CHRM3: variants seen among roughly 807,000 people sequenced by gnomAD.
CHRM3 encodes muscarinic acetylcholine receptor M3.
A neutral mutation model predicts 41.8 loss-of-function variants in CHRM3; 11 were observed. The observed-to-expected ratio is 0.26, with a 90% confidence interval of 0.17 to 0.44. The LOEUF (loss-of-function observed/expected upper bound fraction) is 0.44. Among genes scored for constraint, CHRM3 ranks in the 20% least tolerant of loss-of-function variants. The pLI is 1.00. For missense variants in CHRM3, 571 were observed against 745.4 expected (o/e 0.77, Z 2.72); for synonymous variants, 297 against 301.4 (o/e 0.99, Z 0.15).
At chr1:239,573,376 T>C (rs1010454287) in intron 3 of CHRM3, among the ~76,000 whole-genome samples, 1 of 152,208 alleles carries the variant, frequency 6.6e-6, no homozygotes, top group Non-Finnish European at 1.5e-5. Context: ...AGAAAGTTAC[T>C]TTAATTAGTT....
chr1:239,593,438 T>G (rs1202193259), intron 3 of CHRM3, among the ~76,000 whole-genome samples: 1 of 151,806 alleles, frequency 6.6e-6, no homozygotes. Context: ...AAAGTAATAA[T>G]TGGATTCACT....
chr1:239,711,325 A>G (rs1342210075), intron 5 of CHRM3, among the ~76,000 whole-genome samples: 1 of 151,978 alleles, frequency 6.6e-6, no homozygotes, highest in Admixed American at 6.6e-5. Context: ...GTGCTCCCCA[A>G]AAGTCTTGAA....
chr1:239,870,560 G>A (rs569909365), intron 6 of CHRM3, among the ~76,000 whole-genome samples: 1 of 152,276 alleles, frequency 6.6e-6, no homozygotes, highest in East Asian at 1.9e-4. Flanking sequence ...AGCTTTGTGG[G>A]TTGGTTTTAT....
intron 1 of CHRM3, among the ~76,000 whole-genome samples, chr1:239,393,404 G>A (rs1232515534): frequency 6.6e-6 from 1 of 152,168 alleles, no homozygotes; most frequent in Non-Finnish European, 1.5e-5. Flanking sequence ...TTGAAAAGAA[G>A]TTCTCATACT....
intron 2 of CHRM3, among the ~76,000 whole-genome samples, chr1:239,508,799 G>A (rs1668738436): frequency 6.6e-6 from 1 of 152,152 alleles, no homozygotes; most frequent in South Asian, 2.1e-4. Context: ...GTTGTTAAAT[G>A]GGATATGTTA....
At chr1:239,450,345 A>G (rs1664472488) in intron 1 of CHRM3, among the ~76,000 whole-genome samples, 1 of 152,124 alleles carries the variant, frequency 6.6e-6, no homozygotes, top group South Asian at 2.1e-4. Flanking sequence ...ATTTTCTGCA[A>G]ATTCATATTT....
At position 239,468,226 on chromosome 1, in the gene CHRM3, C is replaced by A. The variant is rs565694557; in HGVS notation, c.-520-24483C>A. Reference sequence around the variant, plus strand: ...TCTCACTGGCACTTCTGAAAAATGCCATTTTTTAAATTGATAATAGAAATA... The same window carrying A: ...TCTCACTGGCACTTCTGAAAAATGCAATTTTTTAAATTGATAATAGAAATA... On this transcript the variant is annotated intron_variant, in intron 1 of 6. Transcript: ENST00000676153. Among the ~76,000 whole-genome samples, 6 of 152,150 alleles carry A rather than the reference C, an allele frequency of 3.9e-5. No individual in the cohort carries two copies. In the East Asian group the frequency reaches 1.2e-3, roughly 29 times the overall value.
intron 3 of CHRM3, among the ~76,000 whole-genome samples, chr1:239,611,979 A>G (rs758039031): frequency 3.3e-5 from 5 of 152,336 alleles, no homozygotes; most frequent in Non-Finnish European, 1.5e-5. Context: ...TTATGTACAT[A>G]GACTCATTCA....
chr1:239,840,832 T>C (rs1467090902), intron 6 of CHRM3, among the ~76,000 whole-genome samples: 2 of 152,218 alleles, frequency 1.3e-5, no homozygotes, highest in African/African-American at 2.4e-5. Context: ...CTTCAGTTTG[T>C]AGAATGGTAT....
At chr1:239,866,366 C>G (rs1485422537) in intron 6 of CHRM3, among the ~76,000 whole-genome samples, 1 of 151,704 alleles carries the variant, frequency 6.6e-6, no homozygotes, top group Non-Finnish European at 1.5e-5. Flanking sequence ...CCCCACTGCA[C>G]TCCAGCCTGG....
chr1:239,812,666 A>G (rs1383428320), intron 5 of CHRM3, among the ~76,000 whole-genome samples: 1 of 152,242 alleles, frequency 6.6e-6, no homozygotes, highest in African/African-American at 2.4e-5. Context: ...TATGCTTCTA[A>G]TGAGCAAACT....
chr1:239,879,355 C>T (rs1322926966), intron 6 of CHRM3, among the ~76,000 whole-genome samples: 2 of 152,208 alleles, frequency 1.3e-5, no homozygotes, highest in Non-Finnish European at 2.9e-5. Context: ...CTGCGAAGCA[C>T]CACCTGAAAC....
At chr1:239,394,767 A>G (rs1272709445) in intron 1 of CHRM3, among the ~76,000 whole-genome samples, 1 of 152,288 alleles carries the variant, frequency 6.6e-6, no homozygotes. Context: ...AATAATTCTG[A>G]GAATTATGAT....
chr1:239,771,260 CG>C (rs1348023196), intron 5 of CHRM3, among the ~76,000 whole-genome samples: 4 of 152,084 alleles, frequency 2.6e-5, no homozygotes, highest in Non-Finnish European at 5.9e-5. Context: ...AATAATTCCT[CG>C]CAAATATCTC....
intron 2 of CHRM3, among the ~76,000 whole-genome samples, chr1:239,532,013 T>C (rs1350067341): frequency 3.8e-4 from 44 of 115,760 alleles, no homozygotes; most frequent in Non-Finnish European, 6.2e-4. Flanking sequence ...TTCTTTCTTT[T>C]TTTTTTTTTT....
rs370582043 is a variant in CHRM3 at position 239,413,284 on chromosome 1, C to CATTT, written c.-521+26077_-521+26080dup. Among the ~76,000 whole-genome samples the CATTT allele has an allele frequency of 4.6e-3, 695 of 151,662 alleles. 6 individuals carry two copies. The highest frequency in any genetic ancestry group is 0.016 in the African/African-American group (649 of 41,368). ...CTGGATTCAAATCATGTATTGGTGC[C>CATTT]ATTTATTTATTTATTTATTTATTGA... On this transcript the variant is annotated intron_variant, in intron 1 of 6. Coordinates refer to ENST00000676153, the MANE Select transcript of CHRM3 (RefSeq NM_001375978.1).
At chr1:239,487,627 T>C (rs1382653375) in intron 1 of CHRM3, among the ~76,000 whole-genome samples, 1 of 152,040 alleles carries the variant, frequency 6.6e-6, no homozygotes, top group Non-Finnish European at 1.5e-5. Context: ...ATTGTGAAAA[T>C]GTCAATTCTT....
At chr1:239,657,145 G>A (rs1233249130) in intron 4 of CHRM3, among the ~76,000 whole-genome samples, 1 of 152,144 alleles carries the variant, frequency 6.6e-6, no homozygotes, top group African/African-American at 2.4e-5. Context: ...ATTTGTATAT[G>A]TGCATACCAT....
intron 2 of CHRM3, among the ~76,000 whole-genome samples, chr1:239,524,858 A>T (rs1669891040): frequency 6.6e-6 from 1 of 152,182 alleles, no homozygotes; most frequent in Admixed American, 6.5e-5. Flanking sequence ...TTATGTTTAA[A>T]GATATCTAAT....
Sources: allele counts gnomAD v4.1 joint callset (sites outside exome capture counted in the v4.1 genomes callset), GRCh38; gene constraint gnomAD v4.1.1; transcripts MANE v1.5; gene names NCBI Gene and HGNC (gene_info 2026-07-23, HGNC 2026-07-21).